The following SSH2 variants were observed in gnomAD, a reference collection of about 807,000 sequenced individuals.
SSH2 encodes the protein protein phosphatase Slingshot homolog 2.
A neutral mutation model predicts 135.2 loss-of-function variants in SSH2; 37 were observed. The ratio of observed to expected loss-of-function variants is 0.27; its 90% CI spans 0.21 to 0.36. The LOEUF is 0.36. SSH2 is among the 10% of genes least tolerant of loss of function. The probability of loss-of-function intolerance (pLI) is 1.00; values close to 1 mark genes in which losing one functional copy is unlikely to be tolerated. For missense variants in SSH2, 1,408 were observed against 1,765.3 expected, an observed-to-expected ratio of 0.80 and a Z score of 3.63; for synonymous variants, 628 against 646.2, an observed-to-expected ratio of 0.97 and a Z score of 0.43.
intron 2 of SSH2, among the ~76,000 whole-genome samples, chr17:29,804,079 G>A (rs945972025): frequency 3.3e-5 from 5 of 152,038 alleles, no homozygotes; most frequent in African/African-American, 1.2e-4. Flanking sequence ...AGTATTGGCT[G>A]GAATCAGGAA....
chr17:29,650,598 T>G, intron 13 of SSH2, 56 bp downstream of exon 13: 1 of 1,526,208 alleles, frequency 6.6e-7, no homozygotes, highest in Non-Finnish European at 8.9e-7. Flanking sequence ...GACCCAGCCA[T>G]GTGTGGTGGG....
chr17:29,873,903 C>A (rs2065981895), intron 1 of SSH2, among the ~76,000 whole-genome samples: 2 of 152,170 alleles, frequency 1.3e-5, no homozygotes, highest in Non-Finnish European at 2.9e-5. Flanking sequence ...TTTCCTCCAC[C>A]TTCTACATTT....
chr17:29,857,575 G>A (rs1454608096), intron 1 of SSH2, among the ~76,000 whole-genome samples: 1 of 152,070 alleles, frequency 6.6e-6, no homozygotes, highest in Non-Finnish European at 1.5e-5. Flanking sequence ...CTGAAGCCTG[G>A]ACCTCTCAGG....
At chr17:29,675,323 C>G (rs957032805) in intron 8 of SSH2, among the ~76,000 whole-genome samples, 1 of 152,090 alleles carries the variant, frequency 6.6e-6, no homozygotes, top group Non-Finnish European at 1.5e-5. Flanking sequence ...TTTTCAGGCT[C>G]TTTTATTTCT....
chr17:29,636,087 G>A lies in SSH2; in HGVS notation c.2143C>T (p.Arg715Ter). The change falls in exon 15 of 16, where the codon CGA (arginine) becomes TGA (stop). Residue 715 changes from arginine to a stop codon, truncating the protein, a stop_gained. Coordinates refer to ENST00000540801, the MANE Select transcript of SSH2 (RefSeq NM_001282129.2). LOFTEE classifies it high-confidence loss of function. ...ELGGGRNESC[R>*]LSVVEVAPSK... is the part of the protein sequence containing the mutation. ...GGGGCTACTTCTACCACTGACAGTCGACAGCTCTCATTCCTTCCTCCACCC... is the reference window on the plus strand; with the variant it reads ...GGGGCTACTTCTACCACTGACAGTCAACAGCTCTCATTCCTTCCTCCACCC... 1.9e-6 allele frequency: 3 copies of A among 1,614,140 alleles called. No individual in the cohort carries two copies. Among genetic ancestry groups the A allele is most frequent in the Non-Finnish European group, 2.5e-6 (3 of 1,180,026 alleles).
At chr17:29,823,997 TA>T (rs1364865201) in intron 2 of SSH2, among the ~76,000 whole-genome samples, 1 of 152,202 alleles carries the variant, frequency 6.6e-6, no homozygotes, top group Non-Finnish European at 1.5e-5. Context: ...AAAGGTGTTT[TA>T]TTTTTTAGTG....
At chr17:29,795,284 G>T (rs1407759349) in intron 2 of SSH2, among the ~76,000 whole-genome samples, 1 of 152,128 alleles carries the variant, frequency 6.6e-6, no homozygotes, top group African/African-American at 2.4e-5. Context: ...GACTGAAAAA[G>T]AATTAGAGAA....
chr17:29,878,243 C>T (rs1296274894), intron 1 of SSH2, among the ~76,000 whole-genome samples: 1 of 152,100 alleles, frequency 6.6e-6, no homozygotes. Flanking sequence ...GCCTGACCAA[C>T]ATGGAGAAAC....
intron 1 of SSH2, among the ~76,000 whole-genome samples, chr17:29,853,607 T>C (rs1373470881): frequency 1.3e-5 from 2 of 151,944 alleles, no homozygotes; most frequent in Non-Finnish European, 2.9e-5. Context: ...CTCATATTCT[T>C]GCATTGGATG....
intron 3 of SSH2, among the ~76,000 whole-genome samples, chr17:29,768,233 A>G (rs1051802595): frequency 7.2e-5 from 11 of 151,918 alleles, no homozygotes; most frequent in African/African-American, 2.4e-4. Context: ...ATGAGGAACT[A>G]TATTATGGAT....
In SSH2 at chr17:29,627,621, G is replaced by A. The variant is rs186390471; in HGVS notation, c.*3220C>T. 3 of 152,748 alleles carry A rather than the reference G, an allele frequency of 2.0e-5. No individual in the cohort carries two copies. Among genetic ancestry groups the A allele is most frequent in the African/African-American group, 7.2e-5 (3 of 41,568 alleles). 9.5% of individuals were successfully genotyped at this position (152,748 alleles called of 1,614,324 possible). On this transcript the variant is annotated 3_prime_UTR_variant, in exon 16 of 16. Coordinates refer to ENST00000540801, the MANE Select transcript of SSH2 (RefSeq NM_001282129.2). ...CCAGGAAAATACTAAAGATCCTGAA[G>A]AGACTAAGATGATAGGAATGATCCC...
chr17:29,700,747 A>C (rs2038940112), intron 4 of SSH2, among the ~76,000 whole-genome samples: 1 of 152,162 alleles, frequency 6.6e-6, no homozygotes. Context: ...TGAATCTTTG[A>C]TTAGTTGAAG....
At chr17:29,887,755 T>C (rs1313059484) in intron 1 of SSH2, among the ~76,000 whole-genome samples, 1 of 152,228 alleles carries the variant, frequency 6.6e-6, no homozygotes, top group East Asian at 1.9e-4. Flanking sequence ...TTTTAAATGG[T>C]CTTCTGCAGT....
At chr17:29,774,671 C>T (rs1294154623) in intron 3 of SSH2, among the ~76,000 whole-genome samples, 1 of 152,140 alleles carries the variant, frequency 6.6e-6, no homozygotes, top group Non-Finnish European at 1.5e-5. Flanking sequence ...ATGGGCAAAA[C>T]TTTGGTTCTT....
intron 1 of SSH2, among the ~76,000 whole-genome samples, chr17:29,898,298 T>C (rs1269019260): frequency 6.6e-6 from 1 of 151,762 alleles, no homozygotes; most frequent in Non-Finnish European, 1.5e-5. Flanking sequence ...CTGAAGGATA[T>C]AGAGACACAA....
At position 29,889,817 on chromosome 17, in the gene SSH2, A is replaced by C. The variant is rs990072864; in HGVS notation, c.63+40121T>G. Among the ~76,000 whole-genome samples, 630 of 149,762 alleles carry C rather than the reference A, an allele frequency of 4.2e-3. 10 individuals carry two copies. The highest frequency in any genetic ancestry group is 0.014 in the African/African-American group (589 of 40,988). ...CCATCTCTACCAAAAAAAAAAAAAA[A>C]AAAAAAAAAAACCAGCCAGGTATGA... On this transcript the variant is annotated intron_variant, in intron 1 of 15. Coordinates refer to ENST00000540801, the MANE Select transcript of SSH2 (RefSeq NM_001282129.2).
At chr17:29,869,260 C>T (rs2065903446) in intron 1 of SSH2, among the ~76,000 whole-genome samples, 2 of 152,300 alleles carry the variant, frequency 1.3e-5, no homozygotes, top group South Asian at 4.1e-4. Flanking sequence ...CTCCCAAAAG[C>T]TAAAGGAGGA....
intron 1 of SSH2, among the ~76,000 whole-genome samples, chr17:29,876,023 G>A (rs2066024053): frequency 1.4e-5 from 2 of 147,814 alleles, no homozygotes; most frequent in Admixed American, 6.7e-5. Flanking sequence ...CCATGTTCAT[G>A]GATTGGAAGA....
intron 2 of SSH2, among the ~76,000 whole-genome samples, chr17:29,832,866 C>T (rs1238047747): frequency 6.6e-6 from 1 of 151,758 alleles, no homozygotes; most frequent in African/African-American, 2.4e-5. Context: ...AGAGTTTTAC[C>T]ATGTTGGCCA....
Sources: allele counts gnomAD v4.1 joint callset (sites outside exome capture counted in the v4.1 genomes callset), GRCh38; gene constraint gnomAD v4.1.1; transcripts MANE v1.5; gene names NCBI Gene and HGNC (gene_info 2026-07-23, HGNC 2026-07-21).